Variants in ACOX3 observed in about 807,000 individuals in gnomAD.
ACOX3 encodes the protein acyl-CoA oxidase 3, pristanoyl, also known as peroxisomal acyl-coenzyme A oxidase 3.
ACOX3 carries 73 observed loss-of-function variants against 81.5 expected under a neutral mutation model. The ratio of observed to expected loss-of-function variants is 0.90; its 90% CI spans 0.74 to 1.09. The LOEUF (loss-of-function observed/expected upper bound fraction) is 1.09, where lower values mean the gene tolerates loss of function less well. Among genes scored for constraint, ACOX3 ranks in the 50% least tolerant of loss-of-function variants. The pLI, the probability that ACOX3 is intolerant of heterozygous loss-of-function variation, is 0.00. For missense variants in ACOX3, 947 were observed against 928.0 expected (o/e 1.02, Z -0.27); for synonymous variants, 387 against 375.1 (o/e 1.03, Z -0.37).
At chr4:8,398,250 C>A (rs1015009718) in intron 8 of ACOX3, among the ~76,000 whole-genome samples, 1 of 152,162 alleles carries the variant, frequency 6.6e-6, no homozygotes, top group Non-Finnish European at 1.5e-5. Flanking sequence ...CATTCACTGT[C>A]ATGTTTGAGA....
intron 1 of ACOX3, chr4:8,428,523 A>G (rs1357553145): frequency 6.6e-6 from 1 of 152,278 alleles, no homozygotes. Context: ...GACGTCATCG[A>G]ACCGCGCCAC....
intron 16 of ACOX3, among the ~76,000 whole-genome samples, chr4:8,371,197 T>C: frequency 6.6e-6 from 1 of 152,214 alleles, no homozygotes; most frequent in Non-Finnish European, 1.5e-5. Flanking sequence ...CTCACCATGC[T>C]GCTTTTCACT....
At chr4:8,357,425 T>C in the ACOX3 span, 3 of 356,418 alleles carry the variant, frequency 8.4e-6, no homozygotes, top group Non-Finnish European at 1.7e-5. Flanking sequence ...ATCAATTAAA[T>C]TGGAGGGGCA....
Position 8,437,264 on chromosome 4 carries a change from C to A in ACOX3, c.-15+3384G>T, listed in dbSNP as rs904280997. On this transcript the variant is annotated intron_variant, in intron 1 of 17. Coordinates refer to ENST00000356406, the MANE Select transcript of ACOX3 (RefSeq NM_003501.3). The surrounding 1 kb of genome is among the most constrained non-coding windows in gnomAD (Gnocchi z 5.2). ...CACCAAGGCGTATGTTAGCTGTGAC[C>A]AAGGAACAAAACAGGAAAGAGCAAA... Among the ~76,000 whole-genome samples the A allele has an allele frequency of 6.6e-6, 1 of 151,410 alleles. No homozygotes were observed. Among genetic ancestry groups the A allele is most frequent in the Non-Finnish European group, 1.5e-5 (1 of 67,956 alleles).
At chr4:8,380,431 C>T (rs560978975) in intron 14 of ACOX3, among the ~76,000 whole-genome samples, 1 of 152,216 alleles carries the variant, frequency 6.6e-6, no homozygotes, top group East Asian at 1.9e-4. Context: ...CCTTGTAATC[C>T]ACCCGTCTCA....
rs1268606969 is a variant in ACOX3 at position 8,437,464 on chromosome 4, GCGCGGGGGCAGGGCCTGTGCCA to G, written c.-15+3162_-15+3183del. On this transcript the variant is annotated intron_variant, in intron 1 of 17. Coordinates refer to ENST00000356406, the MANE Select transcript of ACOX3 (RefSeq NM_003501.3). This position sits in a 1 kb window ranked among gnomAD's most constrained non-coding sequence, Gnocchi z 5.2. Reference sequence around the variant, plus strand: ...AGAAGAAAATGGGAGAGACAGCAGTGCGCGGGGGCAGGGCCTGTGCCACTGCCTGGCCCCGCCAGGTGGCCAT... The same window carrying G: ...AGAAGAAAATGGGAGAGACAGCAGTGCTGCCTGGCCCCGCCAGGTGGCCAT... Among the ~76,000 whole-genome samples the G allele has an allele frequency of 6.6e-6, 1 of 152,208 alleles. No homozygotes were observed. Among genetic ancestry groups the G allele is most frequent in the Non-Finnish European group, 1.5e-5 (1 of 68,050 alleles).
intron 5 of ACOX3, among the ~76,000 whole-genome samples, chr4:8,413,078 T>A (rs28469254): frequency 0.31 from 14,743 of 48,186 alleles, 1,660 homozygotes; most frequent in African/African-American, 0.48. Context: ...GCACCCCTCC[T>A]CAGCACTGAC....
chr4:8,361,407 CAG>C (rs1359401668), downstream of ACOX3, among the ~76,000 whole-genome samples: 1 of 104,230 alleles, frequency 9.6e-6, no homozygotes, highest in East Asian at 3.0e-4. Context: ...GCCTGGGTGA[CAG>C]AGGGAGACTC....
chr4:8,384,495 A>T lies in ACOX3; in HGVS notation c.1538-2888T>A, dbSNP rs777944229. On this transcript the variant is annotated intron_variant, in intron 13 of 17. Coordinates refer to ENST00000356406, the MANE Select transcript of ACOX3 (RefSeq NM_003501.3). This position sits in a 1 kb window ranked among gnomAD's most constrained non-coding sequence, Gnocchi z 5.3. ...GCGGCCTGAGGACACACCCAGCGTC[A>T]ACAACCTCTGTCCTCAAGACTCTCC... 2.0e-5 allele frequency among the ~76,000 whole-genome samples: 3 copies of T among 152,160 alleles called. No homozygotes were observed. The highest frequency in any genetic ancestry group is 4.4e-5 in the Non-Finnish European group (3 of 68,024).
rs762558027 is a variant in ACOX3, at chr4:8,366,971, G to T, written c.2093C>A (p.Ser698Ter). 1 of 1,613,900 alleles carries T rather than the reference G, an allele frequency of 6.2e-7. No homozygotes were observed. Among genetic ancestry groups the T allele is most frequent in the Non-Finnish European group, 8.5e-7 (1 of 1,179,898 alleles). ...VNKPVIGSLK[S>*]KL is the part of the protein sequence containing the mutation. The stretch of plus-strand genomic sequence containing the variant: ...TGTGTGCCAGTCCCACTAGAGCTTC[G>T]ATTTCAGACTTCCTATGACAGGTTT... The change falls in exon 18 of 18, where the codon TCG becomes TAG. Residue 698 changes from serine to a stop codon, truncating the protein, a stop_gained. Transcript: ENST00000356406. LOFTEE classifies it high-confidence loss of function.
Position 8,407,820 on chromosome 4 carries a change from T to C in ACOX3, c.688-1777A>G, listed in dbSNP as rs1469557293. The stretch of plus-strand genomic sequence containing the variant: ...ACGGAAGGACGTGGAGCTTCATCCT[T>C]GGGCACTGTTACAGCAGGGATTCCC... On this transcript the variant is annotated intron_variant, in intron 6 of 17. Coordinates refer to ENST00000356406, the MANE Select transcript of ACOX3 (RefSeq NM_003501.3). This position sits in a 1 kb window ranked among gnomAD's most constrained non-coding sequence, Gnocchi z 4.6. 1.3e-5 allele frequency among the ~76,000 whole-genome samples: 2 copies of C among 152,218 alleles called. No individual in the cohort carries two copies. Among genetic ancestry groups the C allele is most frequent in the Non-Finnish European group, 2.9e-5 (2 of 68,034 alleles).
intron 1 of ACOX3, among the ~76,000 whole-genome samples, chr4:8,422,492 C>A (rs1336514579): frequency 6.6e-6 from 1 of 152,140 alleles, no homozygotes; most frequent in Non-Finnish European, 1.5e-5. Flanking sequence ...CGGTTTTTTT[C>A]ACAATAGAGA....
intron 3 of ACOX3, 87 bp downstream of exon 3, chr4:8,415,679 G>T: frequency 1.8e-6 from 2 of 1,138,858 alleles, no homozygotes; most frequent in Non-Finnish European, 2.6e-6. Flanking sequence ...GTGTTTCTCT[G>T]CCTCTTGGTT....
rs537651632 is a variant in ACOX3 at position 8,411,781 on chromosome 4, C to G, written c.544-1426G>C. Among the ~76,000 whole-genome samples the G allele has an allele frequency of 4.8e-3, 726 of 152,332 alleles. 1 individual carries two copies. Among genetic ancestry groups the G allele is most frequent in the Non-Finnish European group, 8.2e-3 (560 of 68,018 alleles). ...TTTCTGTTGGTGTCTGTGTCTCCCC[C>G]CAGCCCACAACTTCAGGACAGCAGA... On this transcript the variant is annotated intron_variant, in intron 5 of 17. Transcript: ENST00000356406.
Position 8,437,467 on chromosome 4 carries a change from C to CG in ACOX3, c.-15+3180dup, listed in dbSNP as rs1724323650. On this transcript the variant is annotated intron_variant, in intron 1 of 17. Coordinates refer to ENST00000356406, the MANE Select transcript of ACOX3 (RefSeq NM_003501.3). This position sits in a 1 kb window ranked among gnomAD's most constrained non-coding sequence, Gnocchi z 5.2. ...AGAAAATGGGAGAGACAGCAGTGCGCGGGGGCAGGGCCTGTGCCACTGCCT... is the reference window on the plus strand; with the variant it reads ...AGAAAATGGGAGAGACAGCAGTGCGCGGGGGGCAGGGCCTGTGCCACTGCCT... 1.3e-5 allele frequency among the ~76,000 whole-genome samples: 2 copies of CG among 152,120 alleles called. No individual in the cohort carries two copies. Among genetic ancestry groups the CG allele is most frequent in the South Asian group, 2.1e-4 (1 of 4,826 alleles).
intron 15 of ACOX3, 132 bp from the exon 16 acceptor site, chr4:8,373,760 T>C (rs1394986709): frequency 2.6e-6 from 2 of 765,854 alleles, no homozygotes; most frequent in Non-Finnish European, 4.4e-6. Flanking sequence ...TCAGTGTCAT[T>C]GCTGTCCCCA....
rs749973283 is a variant in ACOX3 at position 8,399,701 on chromosome 4, GC to G, written c.777-50del. The G allele has an allele frequency of 2.0e-6, 3 of 1,535,586 alleles. No homozygotes were observed. In the East Asian group the frequency reaches 6.8e-5, roughly 35 times the overall value. On this transcript the variant is annotated intron_variant, in intron 7 of 17. Transcript: ENST00000356406. The surrounding 1 kb of genome is among the most constrained non-coding windows in gnomAD (Gnocchi z 4.9). Reference sequence around the variant, plus strand: ...TGTTAAACAGGGGTCCTGCCCTGAGGCTCTTCTCTTCTCCAAGGGCAGCCTA... The same window carrying G: ...TGTTAAACAGGGGTCCTGCCCTGAGGTCTTCTCTTCTCCAAGGGCAGCCTA...
chr4:8,375,543 C>T (rs1002507505), intron 14 of ACOX3, among the ~76,000 whole-genome samples: 1 of 152,200 alleles, frequency 6.6e-6, no homozygotes, highest in Non-Finnish European at 1.5e-5. Context: ...TTCTTCCACA[C>T]GGGAAGACAC....
intron 8 of ACOX3, among the ~76,000 whole-genome samples, chr4:8,398,405 G>A (rs1324948322): frequency 6.6e-6 from 1 of 152,102 alleles, no homozygotes; most frequent in African/African-American, 2.4e-5. Flanking sequence ...GGTCCTCCAA[G>A]AGTCCCTTCA....
Sources: allele counts gnomAD v4.1 joint callset (sites outside exome capture counted in the v4.1 genomes callset), GRCh38; gene constraint gnomAD v4.1.1; non-coding constraint Gnocchi (gnomAD v3.1); transcripts MANE v1.5; gene names NCBI Gene and HGNC (gene_info 2026-07-23, HGNC 2026-07-21).